HS3ST3A1: variants seen among roughly 807,000 people sequenced by gnomAD.
The protein encoded by HS3ST3A1 is heparan sulfate glucosamine 3-O-sulfotransferase 3A1.
Under a neutral mutation model 25.7 loss-of-function variants are expected in HS3ST3A1, and 19 were observed. That is an observed-to-expected ratio of 0.74 (90% confidence interval 0.52 to 1.08). The LOEUF is 1.08. HS3ST3A1 is among the 50% of genes least tolerant of loss of function. The pLI is 0.00. For missense variants in HS3ST3A1, 459 were observed against 594.3 expected, an observed-to-expected ratio of 0.77 and a Z score of 2.37; for synonymous variants, 226 against 278.6, an observed-to-expected ratio of 0.81 and a Z score of 1.88.
intron 1 of HS3ST3A1, among the ~76,000 whole-genome samples, chr17:13,579,701 CAAAAAAAAAA>C (rs543748713): frequency 3.0e-4 from 7 of 23,656 alleles, no homozygotes; most frequent in African/African-American, 9.6e-4. Context: ...ACTCCATCTC[CAAAAAAAAAA>C]AAAAAAAAAA....
At chr17:13,513,464 C>G (rs748092369) in intron 1 of HS3ST3A1, among the ~76,000 whole-genome samples, 7 of 152,246 alleles carry the variant, frequency 4.6e-5, no homozygotes, top group Non-Finnish European at 8.8e-5. Context: ...AGAAAATTCC[C>G]AGAGAAGCAC....
At chr17:13,544,534 G>A (rs926059905) in intron 1 of HS3ST3A1, among the ~76,000 whole-genome samples, 1 of 152,108 alleles carries the variant, frequency 6.6e-6, no homozygotes, top group Non-Finnish European at 1.5e-5. Context: ...CAGGCCCTGC[G>A]CCGTCTGGCA....
chr17:13,530,762 A>G (rs904069730), intron 1 of HS3ST3A1, among the ~76,000 whole-genome samples: 13 of 152,148 alleles, frequency 8.5e-5, no homozygotes, highest in African/African-American at 2.9e-4. Flanking sequence ...ATACAAGTAT[A>G]AGCAACTCAA....
chr17:13,590,792 G>A (rs913288959), intron 1 of HS3ST3A1, among the ~76,000 whole-genome samples: 18 of 152,154 alleles, frequency 1.2e-4, no homozygotes, highest in African/African-American at 4.1e-4. Context: ...CTCATTGGGG[G>A]TATTAACATA....
At chr17:13,556,112 A>G (rs1907364589) in intron 1 of HS3ST3A1, 1 of 152,268 alleles carries the variant, frequency 6.6e-6, no homozygotes, top group Non-Finnish European at 1.5e-5. Flanking sequence ...ACCTAGGGCC[A>G]TGTTGCACAG....
intron 1 of HS3ST3A1, among the ~76,000 whole-genome samples, chr17:13,564,773 G>A (rs1379765433): frequency 2.1e-5 from 3 of 143,508 alleles, no homozygotes; most frequent in South Asian, 2.2e-4. Flanking sequence ...ACCCAGGCTC[G>A]AGTGCAGTGG....
intron 1 of HS3ST3A1, among the ~76,000 whole-genome samples, chr17:13,588,003 T>C (rs961796449): frequency 1.3e-5 from 2 of 152,196 alleles, no homozygotes; most frequent in African/African-American, 4.8e-5. Flanking sequence ...CCATCAATAT[T>C]AGCTGCGGGT....
chr17:13,543,050 G>A (rs945645125), intron 1 of HS3ST3A1, among the ~76,000 whole-genome samples: 6 of 152,100 alleles, frequency 3.9e-5, no homozygotes, highest in African/African-American at 7.2e-5. Flanking sequence ...TACATACCTC[G>A]CCCTATGCAT....
intron 1 of HS3ST3A1, among the ~76,000 whole-genome samples, chr17:13,539,896 C>G (rs1291243951): frequency 6.6e-6 from 1 of 152,174 alleles, no homozygotes; most frequent in Admixed American, 6.5e-5. Flanking sequence ...CACCACCAAC[C>G]ATGTAAGATG....
At chr17:13,589,939 CT>C (rs1908876285) in intron 1 of HS3ST3A1, among the ~76,000 whole-genome samples, 1 of 152,144 alleles carries the variant, frequency 6.6e-6, no homozygotes, top group Non-Finnish European at 1.5e-5. Flanking sequence ...TCATTTTTGA[CT>C]TTGTCATTCA....
In HS3ST3A1 at chr17:13,496,580, C is replaced by G. The variant is rs768325573; in HGVS notation, c.838G>C (p.Asp280His). Reference protein sequence around the residue: ...TFKNRTAGLIDTSWSAIQIGI... With the variant: ...TFKNRTAGLIHTSWSAIQIGI... ...ATCTGGATGGCGCTCCACGACGTGT[C>G]GATGAGGCCCGCTGTCCTGTTTTTG... The change falls in exon 2 of 2, where the codon GAC becomes CAC. Residue 280 changes from aspartate (D) to histidine (H), a missense_variant. By Grantham distance (81) the Asp-to-His change is moderately conservative. Around this residue, in one of 3 missense-constraint regions of HS3ST3A1, gnomAD observed 67 missense variants for 231.4 expected, o/e 0.29. Transcript: ENST00000284110. The G allele has an allele frequency of 6.3e-7, 1 of 1,597,900 alleles. No homozygotes were observed. The highest frequency in any genetic ancestry group is 2.2e-5 in the East Asian group (1 of 44,454).
At chr17:13,591,194 G>C (rs1908416146) in intron 1 of HS3ST3A1, among the ~76,000 whole-genome samples, 1 of 151,634 alleles carries the variant, frequency 6.6e-6, no homozygotes, top group African/African-American at 2.4e-5. Context: ...TTACAGGCAT[G>C]GCCACCACAC....
intron 1 of HS3ST3A1, among the ~76,000 whole-genome samples, chr17:13,512,321 A>AAC (rs1555537366): frequency 1.4e-5 from 2 of 144,676 alleles, no homozygotes; most frequent in South Asian, 2.1e-4. Context: ...AAAAAAAAAA[A>AAC]AAAAAACTGC....
chr17:13,572,026 T>C (rs1685083800), intron 1 of HS3ST3A1, among the ~76,000 whole-genome samples: 1 of 152,202 alleles, frequency 6.6e-6, no homozygotes, highest in Non-Finnish European at 1.5e-5. Context: ...CTCAAAGTGC[T>C]GGGATTACAG....
chr17:13,523,701 T>G lies in HS3ST3A1; in HGVS notation c.600-26883A>C, dbSNP rs187526295. Among the ~76,000 whole-genome samples, 328 of 152,324 alleles carry G rather than the reference T, an allele frequency of 2.2e-3. 2 individuals are homozygous for G. The highest frequency in any genetic ancestry group is 3.6e-3 in the Non-Finnish European group (247 of 68,018). On this transcript the variant is annotated intron_variant, in intron 1 of 1. Coordinates refer to ENST00000284110, the MANE Select transcript of HS3ST3A1 (RefSeq NM_006042.3). ...CGGTAAGTTTTTGCCTGTTTTCAAT[T>G]GGTTGTTTTTGCCTGCTTTGTTTCC... is the stretch of plus-strand genomic sequence containing the variant.
intron 1 of HS3ST3A1, among the ~76,000 whole-genome samples, chr17:13,594,340 T>A (rs891416276): frequency 6.6e-6 from 1 of 152,164 alleles, no homozygotes; most frequent in Non-Finnish European, 1.5e-5. Flanking sequence ...TCCCAGGCCC[T>A]GGACTGCAGG....
intron 1 of HS3ST3A1, among the ~76,000 whole-genome samples, chr17:13,591,548 T>C (rs1375967529): frequency 6.6e-6 from 1 of 152,188 alleles, no homozygotes; most frequent in Non-Finnish European, 1.5e-5. Context: ...ATGAAGGCGG[T>C]TTTAGTTATT....
intron 1 of HS3ST3A1, among the ~76,000 whole-genome samples, chr17:13,595,852 TGTTG>T (rs1272428816): frequency 4.7e-4 from 16 of 34,016 alleles, no homozygotes; most frequent in African/African-American, 1.1e-3. Context: ...TTTTGGTTGT[TGTTG>T]TTGTTGTTGT....
rs1344332606 is a variant in HS3ST3A1, at chr17:13,496,074, T to C, written c.*123A>G. 1 of 1,215,594 alleles carries C rather than the reference T, an allele frequency of 8.2e-7. No homozygotes were observed. 75.3% of individuals were successfully genotyped at this position (1,215,594 alleles called of 1,614,324 possible). A position where few individuals can be genotyped will look rare whatever the true frequency, so the allele number is the denominator to read the frequency against. On this transcript the variant is annotated 3_prime_UTR_variant, in exon 2 of 2. Transcript: ENST00000284110. ...TGGGGCGGGAGTGAGAACAATCTCTTAACATTCATTGAAAAAAATACTGAA... is the reference window on the plus strand; with the variant it reads ...TGGGGCGGGAGTGAGAACAATCTCTCAACATTCATTGAAAAAAATACTGAA...
Sources: gnomAD v4.1 joint callset for allele counts (sites outside exome capture counted in the v4.1 genomes callset) on GRCh38, gnomAD v4.1.1 for gene constraint, gnomAD v4.1.1 regional missense constraint, MANE v1.5 for transcripts, NCBI Gene and HGNC (gene_info 2026-07-23, HGNC 2026-07-21) for gene names.